The following NALCN variants were observed in gnomAD, a reference collection of about 807,000 sequenced individuals.
NALCN encodes sodium leak channel NALCN.
In NALCN, 111 loss-of-function variants were observed where a neutral mutation model predicts 225.3. The ratio of observed to expected loss-of-function variants is 0.49; its 90% confidence interval spans 0.42 to 0.58. The LOEUF is 0.58. Among genes scored for constraint, NALCN ranks in the 20% least tolerant of loss-of-function variants. The pLI is 0.00. For missense variants in NALCN, 1,378 were observed against 2,202.4 expected, an observed-to-expected ratio of 0.63 and a Z score of 7.49; for synonymous variants, 764 against 769.0, an observed-to-expected ratio of 0.99 and a Z score of 0.11.
intron 6 of NALCN, among the ~76,000 whole-genome samples, chr13:101,360,613 T>C (rs533123284): frequency 1.3e-5 from 2 of 152,200 alleles, no homozygotes; most frequent in East Asian, 3.9e-4. Flanking sequence ...GTAAAGTCAG[T>C]GAGGGATTTT....
intron 7 of NALCN, among the ~76,000 whole-genome samples, chr13:101,313,453 A>C (rs951753794): frequency 3.9e-5 from 6 of 152,318 alleles, no homozygotes; most frequent in African/African-American, 1.4e-4. Flanking sequence ...CAGAATCTAC[A>C]ATGAACTCAA....
At chr13:101,080,114 G>A (rs532630481) in intron 34 of NALCN, among the ~76,000 whole-genome samples, 1 of 152,216 alleles carries the variant, frequency 6.6e-6, no homozygotes, top group Non-Finnish European at 1.5e-5. Context: ...TAATGCCAGA[G>A]GGAATAGGTG....
chr13:101,091,618 C>G (rs2034239967), intron 28 of NALCN, among the ~76,000 whole-genome samples: 1 of 152,150 alleles, frequency 6.6e-6, no homozygotes, highest in South Asian at 2.1e-4. Flanking sequence ...ATGCTTCCAA[C>G]AATCTTTCCT....
intron 7 of NALCN, among the ~76,000 whole-genome samples, chr13:101,300,367 T>TTTCCTTCCTTCCTTCCTTCCTTCC (rs71121182): frequency 3.9e-5 from 4 of 101,656 alleles, no homozygotes; most frequent in African/African-American, 1.7e-4. Context: ...TCTTTCTTTC[T>TTTCCTTCCTTCCTTCCTTCCTTCC]TTCCTTCCTT....
At chr13:101,379,653 G>T in intron 3 of NALCN, among the ~76,000 whole-genome samples, 1 of 152,100 alleles carries the variant, frequency 6.6e-6, no homozygotes. Flanking sequence ...ACTCATAAGT[G>T]GGAGTCGAAC....
At chr13:101,235,845 C>T (rs1351518879) in intron 12 of NALCN, among the ~76,000 whole-genome samples, 2 of 152,120 alleles carry the variant, frequency 1.3e-5, no homozygotes, top group Non-Finnish European at 2.9e-5. Flanking sequence ...CCCCCAGGTA[C>T]TAAAAGTGTC....
At chr13:101,295,361 A>G (rs113932173) in intron 7 of NALCN, among the ~76,000 whole-genome samples, 1 of 152,344 alleles carries the variant, frequency 6.6e-6, no homozygotes, top group African/African-American at 2.4e-5. Context: ...ACAGAAATCC[A>G]CTATTATCTA....
intron 13 of NALCN, among the ~76,000 whole-genome samples, chr13:101,212,438 C>T (rs1336514285): frequency 6.6e-6 from 1 of 152,084 alleles, no homozygotes; most frequent in Non-Finnish European, 1.5e-5. Context: ...CTTATGTGTT[C>T]TACTATGGGA....
At chr13:101,174,491 T>C (rs531885210) in intron 15 of NALCN, among the ~76,000 whole-genome samples, 2 of 152,230 alleles carry the variant, frequency 1.3e-5, no homozygotes, top group Non-Finnish European at 2.9e-5. Flanking sequence ...GTCCTGACTT[T>C]TTATTGTTGC....
At chr13:101,364,117 C>T (rs1452537942) in intron 6 of NALCN, among the ~76,000 whole-genome samples, 1 of 152,058 alleles carries the variant, frequency 6.6e-6, no homozygotes, top group African/African-American at 2.4e-5. Flanking sequence ...CACTCATACA[C>T]TGTTGGTGGT....
At chr13:101,406,259 G>A (rs556869940) in intron 1 of NALCN, among the ~76,000 whole-genome samples, 3 of 152,148 alleles carry the variant, frequency 2.0e-5, no homozygotes, top group Middle Eastern at 3.4e-3. Context: ...CTGGGAAGTA[G>A]AGGCTGCAAT....
chr13:101,241,260 A>G (rs1406663274), intron 11 of NALCN, among the ~76,000 whole-genome samples: 1 of 152,186 alleles, frequency 6.6e-6, no homozygotes, highest in Non-Finnish European at 1.5e-5. Flanking sequence ...TTTAGGGTAC[A>G]TATTTTTCCA....
intron 14 of NALCN, among the ~76,000 whole-genome samples, chr13:101,189,503 C>T (rs1566406253): frequency 6.6e-6 from 1 of 152,172 alleles, no homozygotes; most frequent in Non-Finnish European, 1.5e-5. Context: ...ACCTTGGAAA[C>T]TGGGTGTATT....
chr13:101,130,356 C>T (rs746509985), intron 17 of NALCN, among the ~76,000 whole-genome samples: 1 of 152,180 alleles, frequency 6.6e-6, no homozygotes, highest in African/African-American at 2.4e-5. Flanking sequence ...TATCTGTACT[C>T]TATCCATATT....
intron 7 of NALCN, among the ~76,000 whole-genome samples, chr13:101,321,856 G>A (rs918857177): frequency 6.6e-5 from 10 of 152,062 alleles, no homozygotes; most frequent in East Asian, 5.8e-4. Flanking sequence ...TGGAGATACC[G>A]GAGAGAGGAC....
intron 18 of NALCN, among the ~76,000 whole-genome samples, chr13:101,119,662 A>T (rs1197134174): frequency 6.6e-6 from 1 of 152,244 alleles, no homozygotes; most frequent in Non-Finnish European, 1.5e-5. Context: ...TTGAAAGTAC[A>T]TTGCTATTTG....
At chr13:101,398,614 CAGA>C (rs1198490291) in intron 2 of NALCN, among the ~76,000 whole-genome samples, 2 of 152,176 alleles carry the variant, frequency 1.3e-5, no homozygotes, top group African/African-American at 4.8e-5. Context: ...TTTTGCAAAT[CAGA>C]AGGAGACCTT....
At chr13:101,228,379 G>A (rs2140129875) in intron 13 of NALCN, among the ~76,000 whole-genome samples, 1 of 152,212 alleles carries the variant, frequency 6.6e-6, no homozygotes, top group Non-Finnish European at 1.5e-5. Flanking sequence ...TGGTTTGGCT[G>A]TGTCCCCACC....
intron 2 of NALCN, among the ~76,000 whole-genome samples, chr13:101,396,902 T>C (rs1034309089): frequency 6.6e-6 from 1 of 151,420 alleles, no homozygotes; most frequent in Non-Finnish European, 1.5e-5. Context: ...AGATGGACAC[T>C]AAGAAAAAGT....
Sources: gnomAD v4.1 joint callset for allele counts (sites outside exome capture counted in the v4.1 genomes callset) on GRCh38, gnomAD v4.1.1 for gene constraint, MANE v1.5 for transcripts, NCBI Gene and HGNC (gene_info 2026-07-23, HGNC 2026-07-21) for gene names.